Variants in PC observed in about 807,000 individuals in gnomAD.
PC encodes the protein pyruvate carboxylase.
In PC, 46 loss-of-function variants were observed where a neutral mutation model predicts 107.8. The observed-to-expected ratio is 0.43, with a 90% CI of 0.34 to 0.55. The LOEUF (loss-of-function observed/expected upper bound fraction) is 0.55, where lower values mean the gene tolerates loss of function less well. PC is among the 20% of genes least tolerant of loss of function. The pLI is 0.04. For synonymous variants in PC, 662 were observed against 684.7 expected (o/e 0.97, Z 0.52); for missense variants, 1,241 against 1,643.1 (o/e 0.76, Z 4.23).
Position 66,870,392 on chromosome 11 carries a change from G to T in PC, c.813C>A (p.His271Gln), listed in dbSNP as rs749892290. 6.2e-7 allele frequency: 1 copy of T among 1,613,638 alleles called. No individual in the cohort carries two copies. Among genetic ancestry groups the T allele is most frequent in the South Asian group, 1.1e-5 (1 of 91,086 alleles). The stretch of plus-strand genomic sequence containing the variant: ...CGGGGGCAATCTCGACCACCTTCTG[G>T]TGCCGCCGCTGGATGGAGCAGTCTC... The part of the protein sequence containing the change: ...YERDCSIQRR[H>Q]QKVVEIAPAA... The change falls in exon 9 of 23, where the codon CAC (histidine) becomes CAA (glutamine). Residue 271 changes from histidine (H) to glutamine (Q), a missense_variant. By Grantham distance (24) the His-to-Gln change is conservative. Around this residue, in one of 2 missense-constraint regions of PC, gnomAD observed 1,143 missense variants for 1,551.9 expected, o/e 0.74. Transcript: ENST00000393960. This position sits in a 1 kb window ranked among gnomAD's most constrained non-coding sequence, Gnocchi z 6.1.
At chr11:66,897,572 A>C (rs1193106571) in intron 3 of PC, among the ~76,000 whole-genome samples, 3 of 152,172 alleles carry the variant, frequency 2.0e-5, no homozygotes, top group African/African-American at 7.2e-5. Flanking sequence ...ACCTGCCTAC[A>C]AAAAATAAAT....
intron 3 of PC, among the ~76,000 whole-genome samples, chr11:66,903,770 A>T (rs1227884283): frequency 7.7e-6 from 1 of 130,586 alleles, no homozygotes; most frequent in East Asian, 2.3e-4. Flanking sequence ...AAAAAAAAAA[A>T]AAAATATATA....
intron 3 of PC, among the ~76,000 whole-genome samples, chr11:66,924,601 C>T: frequency 6.6e-6 from 1 of 152,012 alleles, no homozygotes. Context: ...CAGGTGCGCA[C>T]CACAATGCCT....
chr11:66,922,345 C>T (rs188638215), intron 3 of PC, among the ~76,000 whole-genome samples: 46 of 151,952 alleles, frequency 3.0e-4, no homozygotes, highest in Admixed American at 1.2e-3. Flanking sequence ...GAGGCTGGGG[C>T]GGGCGAATCA....
chr11:66,853,035 G>A (rs947926863), intron 13 of PC, 199 bp from the exon 14 acceptor site: 11 of 699,600 alleles, frequency 1.6e-5, no homozygotes, highest in African/African-American at 1.3e-4. Context: ...TGGATGGAAA[G>A]GTGGGGTCTC....
chr11:66,873,185 T>A (rs2380758), intron 3 of PC, among the ~76,000 whole-genome samples: 1 of 146,360 alleles, frequency 6.8e-6, no homozygotes, highest in African/African-American at 2.5e-5. Context: ...ACAGAAAATA[T>A]AAAACTTAGC....
chr11:66,874,727 T>C (rs1178438037), intron 3 of PC, among the ~76,000 whole-genome samples: 2 of 152,134 alleles, frequency 1.3e-5, no homozygotes, highest in Admixed American at 6.5e-5. Context: ...TCATGGAAGA[T>C]GAATGGCAGT....
chr11:66,916,917 G>T (rs2136082509), intron 3 of PC, among the ~76,000 whole-genome samples: 1 of 152,010 alleles, frequency 6.6e-6, no homozygotes, highest in East Asian at 2.0e-4. Flanking sequence ...CCGTGCCACT[G>T]CACTCCAGCC....
At chr11:66,873,358 TATATA>T (rs1272953516) in intron 3 of PC, among the ~76,000 whole-genome samples, 87 of 113,258 alleles carry the variant, frequency 7.7e-4, no homozygotes, top group Non-Finnish European at 1.4e-3. Context: ...ATATATATTA[TATATA>T]ATATATTATA....
Position 66,858,581 on chromosome 11 carries a change from G to T in PC, c.1368+5193C>A. ...TGCCCGAGGGCGAGTTCTCCTGTGA[G>T]CCGCCCCTCATTGCCCGCCACACGC... On this transcript the variant is annotated intron_variant, in intron 12 of 22. Coordinates refer to ENST00000393960, the MANE Select transcript of PC (RefSeq NM_001040716.2). The surrounding 1 kb of genome is among the most constrained non-coding windows in gnomAD (Gnocchi z 5.9). The T allele has an allele frequency of 6.5e-7, 1 of 1,533,052 alleles. No homozygotes were observed. 95.0% of individuals were successfully genotyped at this position (1,533,052 alleles called of 1,614,324 possible).
At chr11:66,940,688 AAAATAAAT>A (rs942184822) in intron 3 of PC, among the ~76,000 whole-genome samples, 1 of 148,200 alleles carries the variant, frequency 6.7e-6, no homozygotes, top group Non-Finnish European at 1.5e-5. Context: ...ACCCTGTCTC[AAAATAAAT>A]AAATAAATAA....
chr11:66,940,227 C>A (rs1166000200), intron 3 of PC, among the ~76,000 whole-genome samples: 1 of 145,066 alleles, frequency 6.9e-6, no homozygotes, highest in Non-Finnish European at 1.5e-5. Flanking sequence ...GAGACAGGGT[C>A]TCACTCTGTT....
intron 3 of PC, among the ~76,000 whole-genome samples, chr11:66,920,324 G>A (rs528642454): frequency 1.0e-3 from 158 of 152,234 alleles, no homozygotes; most frequent in Non-Finnish European, 1.7e-3. Context: ...CCTCCTATGG[G>A]CAACAGAAAT....
intron 3 of PC, among the ~76,000 whole-genome samples, chr11:66,873,713 G>C (rs546753507): frequency 1.3e-4 from 20 of 149,920 alleles, no homozygotes; most frequent in Middle Eastern, 6.8e-3. Context: ...CAGAGCCCAA[G>C]CCAAACCAGA....
intron 3 of PC, among the ~76,000 whole-genome samples, chr11:66,942,693 CA>C (rs1246089308): frequency 6.6e-6 from 1 of 151,920 alleles, no homozygotes; most frequent in African/African-American, 2.4e-5. Context: ...TACTTAATAC[CA>C]CTGAACTGTA....
At chr11:66,914,069 G>C (rs1591275452) in intron 3 of PC, among the ~76,000 whole-genome samples, 1 of 152,276 alleles carries the variant, frequency 6.6e-6, no homozygotes, top group East Asian at 1.9e-4. Context: ...GGGTTATCAA[G>C]CTACCTGGGC....
intron 12 of PC, chr11:66,859,044 A>G: frequency 6.6e-7 from 1 of 1,506,086 alleles, no homozygotes; most frequent in Non-Finnish European, 8.9e-7. Context: ...CCCAGTGTGG[A>G]TGTTCCAAAT....
At position 66,870,252 on chromosome 11, in the gene PC, C is replaced by T. The variant is rs764214166; in HGVS notation, c.903+50G>A. 9.3e-6 allele frequency: 15 copies of T among 1,605,026 alleles called. No homozygotes were observed. The highest frequency in any genetic ancestry group is 1.1e-5 in the Non-Finnish European group (13 of 1,176,484). ...ACCAGCGCCCCACTGTGAGGCCTGC[C>T]GGCCTGTGAGCACAGGCTCCTGTCC... On this transcript the variant is annotated intron_variant, in intron 9 of 22. Transcript: ENST00000393960. The surrounding 1 kb of genome is among the most constrained non-coding windows in gnomAD (Gnocchi z 6.1).
rs1246860032 is a variant in PC at position 66,849,831 on chromosome 11, C to T, written c.2927G>A (p.Gly976Glu). 1 of 1,613,828 alleles carries T rather than the reference C, an allele frequency of 6.2e-7. No individual in the cohort carries two copies. The highest frequency in any genetic ancestry group is 8.5e-7 in the Non-Finnish European group (1 of 1,180,010). ...KVLKDLPRVEGRPGASLPPLD... is the reference protein window; with the variant it reads ...KVLKDLPRVEERPGASLPPLD... ...GGGAGGGAGGGAGGCTCCAGGCCGC[C>T]CCTCCACCCTTGGCAGGTCCTTCAG... The change falls in exon 21 of 23, where the codon GGG becomes GAG. Residue 976 changes from glycine (G) to glutamate (E), a missense_variant. Physicochemically the swap from Gly to Glu is moderately conservative, Grantham distance 98. This residue lies in a region of PC where 1,143 missense variants were observed against 1,551.9 expected (regional missense o/e 0.74). Transcript: ENST00000393960.
Sources: allele counts gnomAD v4.1 joint callset (sites outside exome capture counted in the v4.1 genomes callset), GRCh38; gene constraint gnomAD v4.1.1; regional missense constraint gnomAD v4.1.1; non-coding constraint Gnocchi (gnomAD v3.1); transcripts MANE v1.5; gene names NCBI Gene and HGNC (gene_info 2026-07-23, HGNC 2026-07-21).